CCDC17: variants seen among roughly 807,000 people sequenced by gnomAD.
CCDC17 encodes coiled-coil domain-containing protein 17.
CCDC17 carries 79 observed loss-of-function variants against 68.0 expected under a neutral mutation model. The ratio of observed to expected loss-of-function variants is 1.16; its 90% CI spans 0.97 to 1.40. The LOEUF is 1.40. Among genes scored for constraint, CCDC17 ranks in the 40% most tolerant of loss-of-function variants. The pLI, the probability that CCDC17 is intolerant of heterozygous loss-of-function variation, is 0.00. For missense variants in CCDC17, 846 were observed against 811.5 expected, an observed-to-expected ratio of 1.04 and a Z score of -0.52; for synonymous variants, 376 against 337.5, an observed-to-expected ratio of 1.11 and a Z score of -1.25.
chr1:45,621,463 A>C lies in CCDC17; in HGVS notation c.1206T>G (p.Tyr402Ter), dbSNP rs759824331. ...YDPGAGLVIF[Y>*]DFLRGLEASW... ...AAGCCTCAAGGCCCCGCAGGAAATC[A>C]TAGAAAATGACCAGGCCAGCCCTGG... is the stretch of plus-strand genomic sequence containing the variant. Residue 402 changes from tyrosine to a stop codon, truncating the protein, a stop_gained, in exon 10 of 13, where the codon TAT (tyrosine) becomes TAG (stop). Coordinates refer to ENST00000528266, the MANE Select transcript of CCDC17 (RefSeq NM_001114938.3). LOFTEE classifies it high-confidence loss of function. The C allele has an allele frequency of 6.3e-7, 1 of 1,590,622 alleles. No individual in the cohort carries two copies. Among genetic ancestry groups the C allele is most frequent in the Non-Finnish European group, 8.6e-7 (1 of 1,169,058 alleles).
At position 45,621,286 on chromosome 1, in the gene CCDC17, C is replaced by T; in HGVS notation, c.1383G>A (p.Val461=). The T allele has an allele frequency of 2.5e-6, 4 of 1,574,674 alleles. No individual in the cohort carries two copies. Among genetic ancestry groups the T allele is most frequent in the Non-Finnish European group, 3.4e-6 (4 of 1,159,576 alleles). ...NCAILASRQP[V]PRLPPSSSVS... ...CATGATCCCCACCTACTGACCTGGGCACAGGCTGCCTGCTGGCAAGGATGG... is the reference window on the plus strand; with the variant it reads ...CATGATCCCCACCTACTGACCTGGGTACAGGCTGCCTGCTGGCAAGGATGG... The change falls in exon 10 of 13, where the codon GTG becomes GTA. Residue 461 remains valine (V), a synonymous_variant. Coordinates refer to ENST00000528266, the MANE Select transcript of CCDC17 (RefSeq NM_001114938.3).
chr1:45,621,018 G>C lies in CCDC17; in HGVS notation c.1484C>G (p.Ser495Ter). 6.2e-7 allele frequency: 1 copy of C among 1,613,940 alleles called. No individual in the cohort carries two copies. The highest frequency in any genetic ancestry group is 8.5e-7 in the Non-Finnish European group (1 of 1,179,868). The change falls in exon 11 of 13, where the codon TCA becomes TGA. Residue 495 changes from serine (S) to a stop codon, truncating the protein, a stop_gained. Coordinates refer to ENST00000528266, the MANE Select transcript of CCDC17 (RefSeq NM_001114938.3). LOFTEE classifies it high-confidence loss of function. ...CTGATCTTGGTCAAATAGTCCAAGT[G>C]AGACCCAAGCCTTTGGCTGTGGTGC... ...ARAPQPKAWV[S>*]LGLFDQDQRV...
chr1:45,622,645 G>C lies in CCDC17; in HGVS notation c.763C>G (p.Arg255Gly), dbSNP rs765605008. Residue 255 changes from arginine to glycine, a missense_variant, in exon 6 of 13, where the codon CGA (arginine) becomes GGA (glycine). Transcript: ENST00000528266. Reference sequence around the variant, plus strand: ...ACGCCGGGGTCCCGGCCCCCGTCTCGAATGTAGGCCTCCCGCAGCGCCCTA... The same window carrying C: ...ACGCCGGGGTCCCGGCCCCCGTCTCCAATGTAGGCCTCCCGCAGCGCCCTA... ...EIRALREAYI[R>G]DGGRDPGVLG... 5.1e-6 allele frequency: 8 copies of C among 1,555,962 alleles called. No homozygotes were observed. Among genetic ancestry groups the C allele is most frequent in the East Asian group, 2.4e-5 (1 of 41,208 alleles).
rs201402699 is a variant in CCDC17 at position 45,622,803 on chromosome 1, G to C, written c.688C>G (p.Leu230Val). 5.0e-6 allele frequency: 8 copies of C among 1,602,194 alleles called. No individual in the cohort carries two copies. The highest frequency in any genetic ancestry group is 1.6e-4 in the Middle Eastern group (1 of 6,074). Residue 230 changes from leucine to valine, a missense_variant, in exon 5 of 13, where the codon CTT becomes GTT. Coordinates refer to ENST00000528266, the MANE Select transcript of CCDC17 (RefSeq NM_001114938.3). ...TTGGCCTTTTGCACTGGAGAATAAAGTTCTGCCTCTCGCCGGGAGCTCAGC... is the reference window on the plus strand; with the variant it reads ...TTGGCCTTTTGCACTGGAGAATAAACTTCTGCCTCTCGCCGGGAGCTCAGC... ...NPLSSRREAE[L>V]YSPVQKANPG... is the part of the protein sequence containing the mutation.
intron 4 of CCDC17, 40 bp downstream of exon 4, chr1:45,622,915 G>A: frequency 1.4e-6 from 1 of 731,656 alleles, no homozygotes; most frequent in Non-Finnish European, 2.2e-6. Flanking sequence ...CTCCCACCCC[G>A]GAGCCGCATG....
At chr1:45,621,616 T>C (rs759749100) in intron 9 of CCDC17, 22 bp downstream of exon 9, 1 of 1,610,744 alleles carries the variant, frequency 6.2e-7, no homozygotes, top group Admixed American at 1.7e-5. Context: ...ACAGAGGCTG[T>C]CGAAGGTGGC....
At chr1:45,622,860 A>G (rs1644319625) in intron 4 of CCDC17, 26 bp from the exon 5 acceptor site, 1 of 1,581,650 alleles carries the variant, frequency 6.3e-7, no homozygotes, top group African/African-American at 1.3e-5. Context: ...ACGCGCAGGG[A>G]GACGGTAACG....
At position 45,623,358 on chromosome 1, in the gene CCDC17, G is replaced by A. The variant is rs1053943980; in HGVS notation, c.352C>T (p.Arg118Cys). 4 of 1,550,760 alleles carry A rather than the reference G, an allele frequency of 2.6e-6. No homozygotes were observed. The highest frequency in any genetic ancestry group is 3.4e-4 in the Middle Eastern group (2 of 5,966). The stretch of plus-strand genomic sequence containing the variant: ...GGACTCTGAGGCCGCGCCTCGGAAC[G>A]TGTCCAGGGCCCCGCGAACACCCTG... ...VPRVFAGPWTRSEARPQSPMS... is the reference protein window; with the variant it reads ...VPRVFAGPWTCSEARPQSPMS... Residue 118 changes from arginine (R) to cysteine (C), a missense_variant, in exon 3 of 13, where the codon CGT becomes TGT. Arg to Cys is a radical substitution (Grantham distance 180). Transcript: ENST00000528266.
At position 45,620,303 on chromosome 1, in the gene CCDC17, CTG is replaced by C. The variant is rs774841711; in HGVS notation, c.1839_1840del (p.His613GlnfsTer3). ...GAAACTCACTGGGGGCAAGTCAGAA[CTG>C]TGGTGAGGGCCCAAACCCTCATCTC... On this transcript the variant is annotated frameshift_variant, in exon 13 of 13. Coordinates refer to ENST00000528266, the MANE Select transcript of CCDC17 (RefSeq NM_001114938.3). LOFTEE classifies it high-confidence loss of function. 1.9e-6 allele frequency: 3 copies of C among 1,610,228 alleles called. No individual in the cohort carries two copies. The highest frequency in any genetic ancestry group is 8.5e-7 in the Non-Finnish European group (1 of 1,178,846).
At chr1:45,622,901 G>T in intron 4 of CCDC17, 54 bp downstream of exon 4, 2 of 912,454 alleles carry the variant, frequency 2.2e-6, no homozygotes, top group South Asian at 2.7e-5. Context: ...CAGCCAGCCC[G>T]CCCCTCCCAC....
In CCDC17 at chr1:45,621,836, C is replaced by A. The variant is rs773245420; in HGVS notation, c.1086+41G>T. On this transcript the variant is annotated intron_variant, in intron 8 of 12. Coordinates refer to ENST00000528266, the MANE Select transcript of CCDC17 (RefSeq NM_001114938.3). The stretch of plus-strand genomic sequence containing the variant: ...GCCTCCAACCTGTTCCCCCAACCCA[C>A]CCCGTGTCCTCACAGCCTTTGCCCC... The A allele has an allele frequency of 3.1e-6, 5 of 1,593,470 alleles. No individual in the cohort carries two copies. The East Asian group carries it at 1.1e-4, about 36-fold the overall frequency.
At position 45,620,776 on chromosome 1, in the gene CCDC17, T is replaced by G; in HGVS notation, c.1657A>C (p.Thr553Pro). The G allele has an allele frequency of 6.2e-7, 1 of 1,611,580 alleles. No homozygotes were observed. Among genetic ancestry groups the G allele is most frequent in the Non-Finnish European group, 8.5e-7 (1 of 1,178,926 alleles). Reference protein sequence around the residue: ...LVNARDAAVQTLAEINPASVH... With the variant: ...LVNARDAAVQPLAEINPASVH... Reference sequence around the variant, plus strand: ...CTTGCTGGATTGATCTCTGCCAGTGTCTGTACAGCTGCATCTCTTGCATTC... The same window carrying G: ...CTTGCTGGATTGATCTCTGCCAGTGGCTGTACAGCTGCATCTCTTGCATTC... The change falls in exon 12 of 13, where the codon ACA becomes CCA. Residue 553 changes from threonine (T) to proline (P), a missense_variant. By Grantham distance (38) the Thr-to-Pro change is conservative. Coordinates refer to ENST00000528266, the MANE Select transcript of CCDC17 (RefSeq NM_001114938.3).
chr1:45,621,269 C>T lies in CCDC17; in HGVS notation c.1388+12G>A. ...TGGCAGAGTACCAGAGTCATGATCCCCACCTACTGACCTGGGCACAGGCTG... is the reference window on the plus strand; with the variant it reads ...TGGCAGAGTACCAGAGTCATGATCCTCACCTACTGACCTGGGCACAGGCTG... On this transcript the variant is annotated intron_variant, in intron 10 of 12. Transcript: ENST00000528266. 1.3e-6 allele frequency: 2 copies of T among 1,563,928 alleles called. No homozygotes were observed. The highest frequency in any genetic ancestry group is 2.4e-5 in the South Asian group (2 of 85,094).
At chr1:45,621,169 A>G in intron 10 of CCDC17, 56 bp from the exon 11 acceptor site, 1 of 1,585,732 alleles carries the variant, frequency 6.3e-7, no homozygotes, top group Admixed American at 1.8e-5. Context: ...CCTTTCTAGG[A>G]CTTAGCCCTT....
rs1299839377 is a variant in CCDC17, at chr1:45,623,091, C to A, written c.520G>T (p.Ala174Ser). The A allele has an allele frequency of 6.3e-6, 10 of 1,588,654 alleles. No individual in the cohort carries two copies. The highest frequency in any genetic ancestry group is 1.1e-5 in the South Asian group (1 of 87,304). ...EELSRRLQVV[A>S]CTRGGMSRLF... Reference sequence around the variant, plus strand: ...CGGGACATCCCGCCCCGCGTACAGGCCACAACTTGGAGGCGTCGGCTCAGT... The same window carrying A: ...CGGGACATCCCGCCCCGCGTACAGGACACAACTTGGAGGCGTCGGCTCAGT... The change falls in exon 4 of 13, where the codon GCC becomes TCC. Residue 174 changes from alanine to serine, a missense_variant. Transcript: ENST00000528266.
At chr1:45,622,450 A>G in intron 6 of CCDC17, 99 bp downstream of exon 6, 5 of 1,467,540 alleles carry the variant, frequency 3.4e-6, no homozygotes, top group South Asian at 1.3e-5. Context: ...ATAAGGCTGG[A>G]CTTGTCAGCT....
At position 45,623,188 on chromosome 1, in the gene CCDC17, C is replaced by T. The variant is rs1370636996; in HGVS notation, c.493+29G>A. 3.9e-6 allele frequency: 6 copies of T among 1,540,898 alleles called. No homozygotes were observed. In the East Asian group the frequency reaches 1.5e-4, roughly 38 times the overall value. On this transcript the variant is annotated intron_variant, in intron 3 of 12. Transcript: ENST00000528266. ...GCCAAACGGCGAGGGCAGAGGAGGT[C>T]CTTGGTCCCCGTCCCCCATCTCCTT... is the stretch of plus-strand genomic sequence containing the variant.
rs1394361111 is a variant in CCDC17, at chr1:45,622,629, T to G, written c.779A>C (p.Asp260Ala). ...CCATATCTGGCCCAGCACGCCGGGG[T>G]CCCGGCCCCCGTCTCGAATGTAGGC... The part of the protein sequence containing the change: ...REAYIRDGGR[D>A]PGVLGQIWQL... Residue 260 changes from aspartate (D) to alanine (A), a missense_variant, in exon 6 of 13, where the codon GAC becomes GCC. Physicochemically the swap from Asp to Ala is moderately radical, Grantham distance 126. Coordinates refer to ENST00000528266, the MANE Select transcript of CCDC17 (RefSeq NM_001114938.3). 2 of 1,556,818 alleles carry G rather than the reference T, an allele frequency of 1.3e-6. No individual in the cohort carries two copies. The highest frequency in any genetic ancestry group is 1.4e-5 in the African/African-American group (1 of 73,346).
At position 45,621,751 on chromosome 1, in the gene CCDC17, C is replaced by G. The variant is rs747703395; in HGVS notation, c.1087-16G>C. On this transcript the variant is annotated splice_polypyrimidine_tract_variant and intron_variant, in intron 8 of 12. Transcript: ENST00000528266. ...GAAGCTGTGGCTGTGGGGAAGAGAG[C>G]TGACTCCTCCAGAAAGCCTTGTAGC... The G allele has an allele frequency of 1.2e-6, 2 of 1,612,688 alleles. No homozygotes were observed. The highest frequency in any genetic ancestry group is 2.7e-5 in the African/African-American group (2 of 75,012).
Sources: gnomAD v4.1 joint callset for allele counts on GRCh38, gnomAD v4.1.1 for gene constraint, MANE v1.5 for transcripts, NCBI Gene and HGNC (gene_info 2026-07-23, HGNC 2026-07-21) for gene names.